Variants in HS6ST2 observed in about 807,000 individuals in gnomAD.
The protein encoded by HS6ST2 is heparan-sulfate 6-O-sulfotransferase 2.
Under a neutral mutation model 33.0 loss-of-function variants are expected in HS6ST2, and 17 were observed. That is an observed-to-expected ratio of 0.52 (90% CI 0.35 to 0.77). HS6ST2 has a LOEUF of 0.77. Among genes scored for constraint, HS6ST2 ranks in the 30% least tolerant of loss-of-function variants. HS6ST2 has a pLI of 0.01. For missense variants in HS6ST2, 519 were observed against 551.7 expected (o/e 0.94, Z 0.59); for synonymous variants, 248 against 237.1 (o/e 1.05, Z -0.42).
intron 4 of HS6ST2, chrX:132,667,804 C>G (rs1188724964): frequency 8.9e-6 from 1 of 112,397 alleles, no homozygotes; most frequent in Non-Finnish European, 1.9e-5. Flanking sequence ...AATGCCATCC[C>G]TGTTAACTAA....
At chrX:132,669,336 C>T (rs771403055) in intron 3 of HS6ST2, 137 bp from the exon 4 acceptor site, 1 of 417,268 alleles carries the variant, frequency 2.4e-6, no homozygotes, top group South Asian at 4.4e-5. Context: ...CTCTCTCTCT[C>T]TCTCTCTCTC....
chrX:132,728,555 G>A (rs1198539355), intron 2 of HS6ST2, among the ~76,000 whole-genome samples: 1 of 112,254 alleles, frequency 8.9e-6, no homozygotes, highest in Non-Finnish European at 1.9e-5. Flanking sequence ...GACCCACATA[G>A]ATGGGATTCA....
chrX:132,933,847 A>G (rs995572219), intron 2 of HS6ST2, among the ~76,000 whole-genome samples: 1 of 111,711 alleles, frequency 9.0e-6, no homozygotes, highest in African/African-American at 3.2e-5. Context: ...ATAATTAAGA[A>G]TTGTATATCC....
chrX:132,857,928 C>T (rs1476286400), intron 2 of HS6ST2, among the ~76,000 whole-genome samples: 1 of 111,998 alleles, frequency 8.9e-6, no homozygotes, highest in Non-Finnish European at 1.9e-5. Flanking sequence ...AGACAGTGCA[C>T]GGCATGGCAC....
At chrX:132,812,594 G>T (rs1209977811) in intron 2 of HS6ST2, among the ~76,000 whole-genome samples, 1 of 94,991 alleles carries the variant, frequency 1.1e-5, no homozygotes, top group Non-Finnish European at 2.1e-5. Context: ...GGGGGGGGGA[G>T]AAATTATTCA....
In HS6ST2 at chrX:132,958,603, TC is replaced by T; in HGVS notation, c.-2del. 8.6e-7 allele frequency: 1 copy of T among 1,164,012 alleles called. No individual in the cohort carries two copies. Among genetic ancestry groups the T allele is most frequent in the Non-Finnish European group, 1.1e-6 (1 of 870,204 alleles). ...GGACTGCACACGCAGGCAGTGCCAT[TC>T]CCCCCTTCAGGCAACTCAGGGTACT... On this transcript the variant is annotated 5_prime_UTR_variant, in exon 1 of 5. Coordinates refer to ENST00000370833, the MANE Select transcript of HS6ST2 (RefSeq NM_001394073.1).
At chrX:132,815,277 A>G (rs764575912) in intron 2 of HS6ST2, among the ~76,000 whole-genome samples, 23 of 112,635 alleles carry the variant, frequency 2.0e-4, no homozygotes, top group Middle Eastern at 4.6e-3. Context: ...AATAATAACA[A>G]TCATTTTATG....
intron 2 of HS6ST2, among the ~76,000 whole-genome samples, chrX:132,944,681 G>A (rs1228768414): frequency 3.6e-5 from 4 of 110,742 alleles, no homozygotes; most frequent in Admixed American, 2.9e-4. Context: ...ACAGAACAGA[G>A]CCCTCAGAAA....
At chrX:132,633,088 AAAAAAAAAT>A (rs1273270511) in intron 4 of HS6ST2, among the ~76,000 whole-genome samples, 2 of 108,090 alleles carry the variant, frequency 1.9e-5, no homozygotes, top group Admixed American at 2.0e-4. Context: ...AAAAAAAAAA[AAAAAAAAAT>A]GAGTCAAGGA....
intron 2 of HS6ST2, among the ~76,000 whole-genome samples, chrX:132,860,128 TTTG>T (rs1387937659): frequency 3.6e-5 from 4 of 111,922 alleles, no homozygotes; most frequent in African/African-American, 9.7e-5. Context: ...CGGTGGGTAA[TTTG>T]TTGATTTTTT....
intron 2 of HS6ST2, among the ~76,000 whole-genome samples, chrX:132,918,910 G>A (rs1394695934): frequency 8.9e-6 from 1 of 112,272 alleles, no homozygotes; most frequent in Non-Finnish European, 1.9e-5. Flanking sequence ...CTAACAGAGG[G>A]GAACAATGTC....
chrX:132,941,597 C>T (rs1213972566), intron 2 of HS6ST2, among the ~76,000 whole-genome samples: 1 of 112,257 alleles, frequency 8.9e-6, no homozygotes, highest in Admixed American at 9.5e-5. Flanking sequence ...TCTTTTTTAA[C>T]ACCCTCTAAT....
At position 132,885,270 on chromosome X, in the gene HS6ST2, G is replaced by T. The variant is rs182035988; in HGVS notation, c.947+71538C>A. 6.3e-5 allele frequency among the ~76,000 whole-genome samples: 7 copies of T among 111,887 alleles called. No homozygotes were observed. In the East Asian group the frequency reaches 2.0e-3, roughly 32 times the overall value. Reference sequence around the variant, plus strand: ...AGAAGAGATTGCTAATGGGCACAGGGTTTATTTCTGGGTGATGAAAACATT... The same window carrying T: ...AGAAGAGATTGCTAATGGGCACAGGTTTTATTTCTGGGTGATGAAAACATT... On this transcript the variant is annotated intron_variant, in intron 2 of 4. Transcript: ENST00000370833.
chrX:132,718,800 A>G (rs916311357), intron 2 of HS6ST2, among the ~76,000 whole-genome samples: 2 of 111,383 alleles, frequency 1.8e-5, no homozygotes, highest in Non-Finnish European at 3.8e-5. Context: ...CCCCTAGGAC[A>G]TAAATCAGGT....
At chrX:132,940,534 T>C (rs1373916691) in intron 2 of HS6ST2, among the ~76,000 whole-genome samples, 1 of 111,839 alleles carries the variant, frequency 8.9e-6, no homozygotes, top group Non-Finnish European at 1.9e-5. Flanking sequence ...GTATATCTTA[T>C]AAGAGACTTG....
Position 132,628,847 on chromosome X carries a change from G to A in HS6ST2, c.1314C>T (p.Thr438=). Residue 438 remains threonine (T), a synonymous_variant, in exon 5 of 5, where the codon ACC becomes ACT. Coordinates refer to ENST00000370833, the MANE Select transcript of HS6ST2 (RefSeq NM_001394073.1). ...NRQVRMLSDL[T]LVGCYNLSVM... is the part of the protein sequence containing the mutation. ...CAGAGAGGTTGTAGCAGCCTACCAG[G>A]GTCAGGTCGGAGAGCATGCGCACCT... The A allele has an allele frequency of 8.3e-7, 1 of 1,211,568 alleles. No homozygotes were observed. Among genetic ancestry groups the A allele is most frequent in the Non-Finnish European group, 1.1e-6 (1 of 895,410 alleles).
At chrX:132,838,585 T>G (rs1419169645) in intron 2 of HS6ST2, among the ~76,000 whole-genome samples, 2 of 111,656 alleles carry the variant, frequency 1.8e-5, no homozygotes, top group Non-Finnish European at 3.8e-5. Flanking sequence ...TTTTTCTCAC[T>G]AAAAAAGGAC....
At chrX:132,749,137 A>C (rs2064675883) in intron 2 of HS6ST2, among the ~76,000 whole-genome samples, 1 of 112,155 alleles carries the variant, frequency 8.9e-6, no homozygotes, top group South Asian at 3.8e-4. Context: ...TCACAGGCAG[A>C]GTAATCCATC....
At chrX:132,725,715 G>C (rs1212575007) in intron 2 of HS6ST2, among the ~76,000 whole-genome samples, 2 of 112,218 alleles carry the variant, frequency 1.8e-5, no homozygotes, top group Non-Finnish European at 3.8e-5. Context: ...GCACTCCCAT[G>C]TTTGTTGCAG....
Sources: allele counts gnomAD v4.1 joint callset (sites outside exome capture counted in the v4.1 genomes callset), GRCh38; gene constraint gnomAD v4.1.1; transcripts MANE v1.5; gene names NCBI Gene and HGNC (gene_info 2026-07-23, HGNC 2026-07-21).